THEMIS: variants seen among roughly 807,000 people sequenced by gnomAD.
THEMIS encodes the protein thymocyte selection associated.
A neutral mutation model predicts 52.6 loss-of-function variants in THEMIS; 37 were observed. That is an observed-to-expected ratio of 0.70 (90% CI 0.54 to 0.93). The LOEUF (loss-of-function observed/expected upper bound fraction) is 0.93. Ranked by LOEUF, THEMIS falls within the 40% of genes least tolerant of loss-of-function variation. The pLI is 0.00. For synonymous variants in THEMIS, 292 were observed against 272.7 expected, an observed-to-expected ratio of 1.07 and a Z score of -0.70; for missense variants, 808 against 763.1, an observed-to-expected ratio of 1.06 and a Z score of -0.69.
chr6:127,727,746 G>A (rs1427737019), intron 4 of THEMIS, among the ~76,000 whole-genome samples: 1 of 152,022 alleles, frequency 6.6e-6, no homozygotes, highest in Non-Finnish European at 1.5e-5. Flanking sequence ...TGGCATTCTT[G>A]CTACCAAAGT....
intron 1 of THEMIS, among the ~76,000 whole-genome samples, chr6:127,910,732 A>C (rs946864681): frequency 6.6e-6 from 1 of 152,204 alleles, no homozygotes; most frequent in African/African-American, 2.4e-5. Flanking sequence ...TTATTTTAAC[A>C]CTTTACATTA....
intron 4 of THEMIS, among the ~76,000 whole-genome samples, chr6:127,810,234 G>A (rs1777856337): frequency 6.6e-6 from 1 of 151,812 alleles, no homozygotes. Context: ...TCTTTCTGAT[G>A]GTAGTGGACA....
the THEMIS span, among the ~76,000 whole-genome samples, chr6:127,701,025 G>A: frequency 3.9e-5 from 6 of 151,906 alleles, no homozygotes; most frequent in African/African-American, 1.2e-4. Flanking sequence ...ATTACACAAA[G>A]GCAGTGAAGT....
At chr6:127,891,418 C>T (rs1465202462) in intron 1 of THEMIS, among the ~76,000 whole-genome samples, 1 of 151,726 alleles carries the variant, frequency 6.6e-6, no homozygotes, top group Non-Finnish European at 1.5e-5. Context: ...CACCTGTAGT[C>T]CCAGCTACTC....
chr6:127,851,676 A>G (rs1473724856), intron 2 of THEMIS, among the ~76,000 whole-genome samples: 1 of 151,738 alleles, frequency 6.6e-6, no homozygotes, highest in Non-Finnish European at 1.5e-5. Context: ...CCAAAATCCA[A>G]AATATTGACA....
chr6:127,745,583 G>A (rs1363279506), intron 4 of THEMIS, among the ~76,000 whole-genome samples: 1 of 151,718 alleles, frequency 6.6e-6, no homozygotes, highest in Non-Finnish European at 1.5e-5. Flanking sequence ...GGTGAATTTG[G>A]GGTCCAGTTC....
intron 4 of THEMIS, among the ~76,000 whole-genome samples, chr6:127,802,450 G>T (rs1009638652): frequency 2.6e-5 from 4 of 152,224 alleles, no homozygotes; most frequent in Admixed American, 6.5e-5. Flanking sequence ...CAAAGCAAAG[G>T]TGGGCGTAGC....
intron 4 of THEMIS, among the ~76,000 whole-genome samples, chr6:127,773,857 T>G (rs1262675476): frequency 2.0e-5 from 3 of 152,202 alleles, no homozygotes; most frequent in East Asian, 3.8e-4. Context: ...TATGGTCTCA[T>G]ACAGTTAATG....
chr6:127,866,664 A>T (rs1051780120), intron 1 of THEMIS, among the ~76,000 whole-genome samples: 2 of 151,998 alleles, frequency 1.3e-5, no homozygotes, highest in African/African-American at 4.8e-5. Flanking sequence ...GAGATATAAT[A>T]TTTAAAAATA....
intron 4 of THEMIS, among the ~76,000 whole-genome samples, chr6:127,778,536 G>A (rs1776638841): frequency 6.6e-6 from 1 of 151,958 alleles, no homozygotes; most frequent in African/African-American, 2.4e-5. Flanking sequence ...CCTCTTTCAG[G>A]GAATCTACTT....
Position 127,855,295 on chromosome 6 carries a change from C to T in THEMIS, c.92-107G>A, listed in dbSNP as rs571475643. 200 of 907,840 alleles carry T rather than the reference C, an allele frequency of 2.2e-4. 1 individual carries two copies. In the African/African-American group the frequency reaches 3.2e-3, roughly 14 times the overall value. 56.2% of individuals were successfully genotyped at this position (907,840 alleles called of 1,614,324 possible). A position where few individuals can be genotyped will look rare whatever the true frequency, so the allele number is the denominator to read the frequency against. On this transcript the variant is annotated intron_variant, in intron 1 of 5. Coordinates refer to ENST00000368248, the MANE Select transcript of THEMIS (RefSeq NM_001010923.3). Reference sequence around the variant, plus strand: ...TGTTTTAATTCAGTTCCTCTCTTAGCTACCTGCTAAACAGGAATTTAATCA... The same window carrying T: ...TGTTTTAATTCAGTTCCTCTCTTAGTTACCTGCTAAACAGGAATTTAATCA...
At chr6:127,702,300 T>C in the THEMIS span, among the ~76,000 whole-genome samples, 1 of 152,178 alleles carries the variant, frequency 6.6e-6, no homozygotes, top group Admixed American at 6.5e-5. Context: ...AATTTCACCA[T>C]GAGTTGTAAG....
At chr6:127,703,444 G>A (rs1033927172), downstream of THEMIS, among the ~76,000 whole-genome samples, 2 of 152,172 alleles carry the variant, frequency 1.3e-5, no homozygotes, top group African/African-American at 4.8e-5. Flanking sequence ...GTATGAAGCA[G>A]ATAGCAAGTA....
At chr6:127,727,098 C>T (rs1271339791) in intron 4 of THEMIS, among the ~76,000 whole-genome samples, 5 of 152,158 alleles carry the variant, frequency 3.3e-5, no homozygotes, top group South Asian at 2.1e-4. Context: ...CTTCAAAATG[C>T]CAAAGTTGGC....
chr6:127,835,034 T>C (rs984270925), intron 2 of THEMIS, among the ~76,000 whole-genome samples: 3 of 152,124 alleles, frequency 2.0e-5, no homozygotes, highest in Admixed American at 6.6e-5. Context: ...TTTCATAACC[T>C]TGATGGCAAC....
At chr6:127,868,573 T>A in intron 1 of THEMIS, 1 of 554,644 alleles carries the variant, frequency 1.8e-6, no homozygotes, top group Non-Finnish European at 2.3e-6. Context: ...CAGGTGGATA[T>A]GGGATGACTC....
At chr6:127,869,359 C>G (rs926315072) in intron 1 of THEMIS, among the ~76,000 whole-genome samples, 6 of 152,208 alleles carry the variant, frequency 3.9e-5, no homozygotes, top group African/African-American at 9.6e-5. Context: ...ACACAGTGCA[C>G]TATAGAGTAT....
intron 1 of THEMIS, among the ~76,000 whole-genome samples, chr6:127,916,516 T>G (rs2114543485): frequency 6.6e-6 from 1 of 152,258 alleles, no homozygotes; most frequent in South Asian, 2.1e-4. Flanking sequence ...TTCTGCCTGG[T>G]TTAAGAGGGG....
chr6:127,852,557 T>C (rs1022605942), intron 2 of THEMIS, among the ~76,000 whole-genome samples: 3 of 151,478 alleles, frequency 2.0e-5, no homozygotes, highest in African/African-American at 7.3e-5. Flanking sequence ...AAATTAGAAA[T>C]CAATAGCAAA....
Sources: allele counts gnomAD v4.1 joint callset (sites outside exome capture counted in the v4.1 genomes callset), GRCh38; gene constraint gnomAD v4.1.1; transcripts MANE v1.5; gene names NCBI Gene and HGNC (gene_info 2026-07-23, HGNC 2026-07-21).